The following TRAPPC9 variants were observed in gnomAD, a reference collection of about 807,000 sequenced individuals.
TRAPPC9 encodes the protein IKK2 binding protein.
Under a neutral mutation model 124.0 loss-of-function variants are expected in TRAPPC9, and 83 were observed. That is an observed-to-expected ratio of 0.67 (90% CI 0.56 to 0.80). The LOEUF is 0.80. Ranked by LOEUF, TRAPPC9 falls within the 30% of genes least tolerant of loss-of-function variation. The pLI is 0.00. For synonymous variants in TRAPPC9, 638 were observed against 617.5 expected, an observed-to-expected ratio of 1.03 and a Z score of -0.49; for missense variants, 1,302 against 1,508.3, an observed-to-expected ratio of 0.86 and a Z score of 2.27.
intron 21 of TRAPPC9, among the ~76,000 whole-genome samples, chr8:139,733,943 G>GT (rs1189462487): frequency 2.6e-5 from 4 of 152,240 alleles, no homozygotes; most frequent in African/African-American, 9.6e-5. Flanking sequence ...TTCAGGTGTG[G>GT]TTGGGCCTCC....
chr8:139,885,791 C>A, intron 21 of TRAPPC9, 88 bp downstream of exon 21: 1 of 1,333,658 alleles, frequency 7.5e-7, no homozygotes, highest in Non-Finnish European at 1.1e-6. Flanking sequence ...TTTGGGGTGC[C>A]CAGCCACACC....
In TRAPPC9 at chr8:140,275,673, C is replaced by T; in HGVS notation, c.2263G>A (p.Val755Ile). 2 of 1,614,182 alleles carry T rather than the reference C, an allele frequency of 1.2e-6. No homozygotes were observed. Among genetic ancestry groups the T allele is most frequent in the Non-Finnish European group, 1.7e-6 (2 of 1,180,010 alleles). The change falls in exon 15 of 23, where the codon GTT (valine) becomes ATT (isoleucine). Residue 755 changes from valine to isoleucine, a missense_variant. By Grantham distance (29) the Val-to-Ile change is conservative. This residue lies in a region of TRAPPC9 where 640 missense variants were observed against 679.3 expected (regional missense o/e 0.94). Transcript: ENST00000438773. ...CAATACCTACCTTTAGTGGTGAGAA[C>T]TTTCGAGGTGACCTCCAGTTTCTCC... ...PLEKLEVTSK[V>I]LTTKEKLYGD... is the part of the protein sequence containing the mutation.
intron 6 of TRAPPC9, among the ~76,000 whole-genome samples, chr8:140,401,727 G>C (rs758630910): frequency 9.9e-5 from 15 of 151,966 alleles, no homozygotes; most frequent in Non-Finnish European, 1.8e-4. Context: ...AGGCTCAGGT[G>C]ATCCTCCCAC....
intron 17 of TRAPPC9, among the ~76,000 whole-genome samples, chr8:140,147,207 C>T (rs985847810): frequency 6.6e-6 from 1 of 152,230 alleles, no homozygotes; most frequent in African/African-American, 2.4e-5. Context: ...TTAGAACGCA[C>T]ACGTTAGCGT....
At chr8:139,827,349 G>C (rs1292863991) in intron 21 of TRAPPC9, among the ~76,000 whole-genome samples, 1 of 152,246 alleles carries the variant, frequency 6.6e-6, no homozygotes, top group East Asian at 1.9e-4. Context: ...ATGCAGGACA[G>C]AGGAAGGCTG....
At chr8:139,783,897 A>T (rs1822003958) in intron 21 of TRAPPC9, among the ~76,000 whole-genome samples, 1 of 152,204 alleles carries the variant, frequency 6.6e-6, no homozygotes, top group Admixed American at 6.5e-5. Context: ...AAACCATATG[A>T]TCATCTTAAT....
intron 20 of TRAPPC9, among the ~76,000 whole-genome samples, chr8:139,895,712 T>C (rs1254150133): frequency 6.6e-6 from 1 of 152,250 alleles, no homozygotes; most frequent in East Asian, 1.9e-4. Flanking sequence ...TGAGAGGCTC[T>C]AGGGAGGCAA....
intron 18 of TRAPPC9, among the ~76,000 whole-genome samples, chr8:140,020,231 T>C (rs1034453945): frequency 5.3e-5 from 8 of 152,216 alleles, no homozygotes; most frequent in Admixed American, 2.6e-4. Context: ...GTTCATACTC[T>C]ATAGCACTGA....
intron 19 of TRAPPC9, among the ~76,000 whole-genome samples, chr8:139,987,298 G>A (rs1168947259): frequency 1.3e-5 from 2 of 152,288 alleles, no homozygotes; most frequent in Admixed American, 6.5e-5. Flanking sequence ...GTAAGTGTAT[G>A]TTTAATTTTA....
Position 140,231,481 on chromosome 8 carries a change from C to CTTTTTT in TRAPPC9, c.2432-9904_2432-9899dup, listed in dbSNP as rs71320347. Among the ~76,000 whole-genome samples, 259 of 57,032 alleles carry CTTTTTT rather than the reference C, an allele frequency of 4.5e-3. 10 individuals are homozygous for CTTTTTT. Among genetic ancestry groups the CTTTTTT allele is most frequent in the East Asian group, 6.0e-3 (10 of 1,674 alleles). 37.4% of individuals were successfully genotyped at this position (57,032 alleles called of 152,430 possible). A position where few individuals can be genotyped will look rare whatever the true frequency, so the allele number is the denominator to read the frequency against. On this transcript the variant is annotated intron_variant, in intron 16 of 22. Coordinates refer to ENST00000438773, the MANE Select transcript of TRAPPC9 (RefSeq NM_001160372.4). ...AACTGCTAGTAAATCACTGCCTTTT[C>CTTTTTT]TTTTTTTTTTTTTTTTTTTTTTTTT...
intron 19 of TRAPPC9, chr8:139,932,965 C>A (rs1381392662): frequency 6.0e-6 from 1 of 165,756 alleles, no homozygotes; most frequent in Non-Finnish European, 1.3e-5. Flanking sequence ...ACCTCTGCTC[C>A]GGTGCACAAA....
intron 21 of TRAPPC9, among the ~76,000 whole-genome samples, chr8:139,858,769 G>A (rs925778407): frequency 5.3e-5 from 8 of 151,888 alleles, no homozygotes; most frequent in South Asian, 4.2e-4. Context: ...CAGCACCAAC[G>A]GTTTTGCCGA....
intron 5 of TRAPPC9, among the ~76,000 whole-genome samples, chr8:140,423,367 G>A (rs2070289964): frequency 6.6e-6 from 1 of 152,086 alleles, no homozygotes; most frequent in East Asian, 1.9e-4. Context: ...TTGAACCCAG[G>A]AGGCGGAGGT....
chr8:140,387,187 A>AC (rs2068777739), intron 7 of TRAPPC9, among the ~76,000 whole-genome samples: 1 of 152,198 alleles, frequency 6.6e-6, no homozygotes, highest in Non-Finnish European at 1.5e-5. Flanking sequence ...TAAAGACTTA[A>AC]ATGTTAAGTC....
chr8:139,946,582 T>C (rs764802543), intron 19 of TRAPPC9, among the ~76,000 whole-genome samples: 12 of 151,778 alleles, frequency 7.9e-5, no homozygotes, highest in Non-Finnish European at 1.3e-4. Flanking sequence ...GGTATGCCAG[T>C]GTCTCAAAGG....
chr8:139,998,760 A>T (rs750262928), intron 18 of TRAPPC9, among the ~76,000 whole-genome samples: 13 of 152,200 alleles, frequency 8.5e-5, no homozygotes, highest in Non-Finnish European at 1.8e-4. Flanking sequence ...ACAAAAAAAA[A>T]CAATGAACGA....
rs552889001 is a variant in TRAPPC9 at position 140,283,455 on chromosome 8, T to C, written c.2114+434A>G. Among the ~76,000 whole-genome samples, 1,310 of 150,702 alleles carry C rather than the reference T, an allele frequency of 8.7e-3. 7 individuals carry two copies. The highest frequency in any genetic ancestry group is 0.014 in the Non-Finnish European group (943 of 67,596). ...GACTACAGGCGCCCGCCACCACGCC[T>C]GGCTAATTTTTTTTTTTATTTTTAG... On this transcript the variant is annotated intron_variant, in intron 14 of 22. Coordinates refer to ENST00000438773, the MANE Select transcript of TRAPPC9 (RefSeq NM_001160372.4).
chr8:140,083,138 A>T (rs993696724), intron 17 of TRAPPC9, among the ~76,000 whole-genome samples: 51 of 152,252 alleles, frequency 3.3e-4, no homozygotes, highest in South Asian at 1.7e-3. Flanking sequence ...GGTTGCAGTG[A>T]GCTGAGATCG....
At chr8:140,288,315 G>A (rs796800685) in intron 12 of TRAPPC9, among the ~76,000 whole-genome samples, 1 of 152,314 alleles carries the variant, frequency 6.6e-6, no homozygotes, top group African/African-American at 2.4e-5. Flanking sequence ...CAGCGTGGGG[G>A]ACAGAGTGAG....
Sources: allele counts gnomAD v4.1 joint callset (sites outside exome capture counted in the v4.1 genomes callset), GRCh38; gene constraint gnomAD v4.1.1; regional missense constraint gnomAD v4.1.1; transcripts MANE v1.5; gene names NCBI Gene and HGNC (gene_info 2026-07-23, HGNC 2026-07-21).